Variants in KDM5A observed in about 807,000 individuals in gnomAD.
KDM5A encodes lysine demethylase 5A.
Under a neutral mutation model 193.5 loss-of-function variants are expected in KDM5A, and 42 were observed. The observed-to-expected ratio is 0.22, with a 90% CI of 0.17 to 0.28. The LOEUF is 0.28. Among genes scored for constraint, KDM5A ranks in the 10% least tolerant of loss-of-function variants. The pLI, the probability that KDM5A is intolerant of heterozygous loss-of-function variation, is 1.00. For missense variants in KDM5A, 1,692 were observed against 2,055.1 expected (o/e 0.82, Z 3.42); for synonymous variants, 796 against 718.1 (o/e 1.11, Z -1.73).
chr12:304,485 T>A (rs1943480671), intron 24 of KDM5A, among the ~76,000 whole-genome samples: 2 of 126,924 alleles, frequency 1.6e-5, no homozygotes, highest in Admixed American at 8.8e-5. Context: ...GATATCAACA[T>A]CAAAGTAAAT....
intron 24 of KDM5A, among the ~76,000 whole-genome samples, chr12:305,267 A>G (rs1368097784): frequency 1.3e-5 from 2 of 152,014 alleles, no homozygotes; most frequent in African/African-American, 4.8e-5. Flanking sequence ...CTACCATATA[A>G]TAAGATATTT....
At position 281,684 on chromosome 12, in the gene KDM5A, C is replaced by T. The variant is rs1397897583; in HGVS notation, c.*3772G>A. ...AACAGCTCAATTTTTCCACAATTTC[C>T]ACTTTTCAAATCCCATGCCAAACTG... On this transcript the variant is annotated 3_prime_UTR_variant, in exon 28 of 28. Transcript: ENST00000399788. 1 of 234,538 alleles carries T rather than the reference C, an allele frequency of 4.3e-6. No homozygotes were observed. The highest frequency in any genetic ancestry group is 8.4e-6 in the Non-Finnish European group (1 of 118,942). The allele number at this position is 234,538 out of a possible 1,614,324, so 14.5% of individuals were successfully genotyped here. A position where few individuals can be genotyped will look rare whatever the true frequency, so the allele number is the denominator to read the frequency against.
intron 14 of KDM5A, among the ~76,000 whole-genome samples, chr12:324,239 GTAAGCTATGA>G (rs1400788482): frequency 6.6e-6 from 1 of 151,892 alleles, no homozygotes; most frequent in Non-Finnish European, 1.5e-5. Flanking sequence ...CCAGGCTGTA[GTAAGCTATGA>G]TAGTACTGCT....
At chr12:339,393 C>T (rs750949208) in intron 10 of KDM5A, among the ~76,000 whole-genome samples, 1 of 152,096 alleles carries the variant, frequency 6.6e-6, no homozygotes, top group Non-Finnish European at 1.5e-5. Context: ...CCCTAAAATC[C>T]TTTTGTCATA....
intron 3 of KDM5A, among the ~76,000 whole-genome samples, chr12:380,236 T>C (rs983707781): frequency 6.7e-6 from 1 of 149,034 alleles, no homozygotes; most frequent in African/African-American, 2.5e-5. Flanking sequence ...GCCTCTAGCC[T>C]GGGTGATGGG....
intron 26 of KDM5A, 70 bp from the exon 27 acceptor site, chr12:293,239 G>A (rs987072879): frequency 2.3e-6 from 3 of 1,303,036 alleles, no homozygotes; most frequent in Non-Finnish European, 3.3e-6. Flanking sequence ...TCTCTTATAT[G>A]AGGTACCTAG....
chr12:296,904 C>T, intron 25 of KDM5A, 137 bp downstream of exon 25: 2 of 879,260 alleles, frequency 2.3e-6, no homozygotes, highest in Non-Finnish European at 3.5e-6. Flanking sequence ...AAGAAAACAG[C>T]ATTTTCAGGT....
chr12:316,513 C>G (rs985335311), intron 19 of KDM5A, among the ~76,000 whole-genome samples: 1 of 152,210 alleles, frequency 6.6e-6, no homozygotes, highest in African/African-American at 2.4e-5. Context: ...ACAGAGTCAT[C>G]AGAACCTGGT....
At chr12:387,002 T>C (rs756072325) in intron 1 of KDM5A, among the ~76,000 whole-genome samples, 7 of 151,468 alleles carry the variant, frequency 4.6e-5, no homozygotes, top group Admixed American at 4.6e-4. Context: ...ATTTTTTTTA[T>C]GTTATGTGTA....
At chr12:320,845 G>A (rs1943708225) in intron 18 of KDM5A, 150 bp downstream of exon 18, 1 of 639,546 alleles carries the variant, frequency 1.6e-6, no homozygotes, top group African/African-American at 1.8e-5. Flanking sequence ...CCAAAAAACT[G>A]CCTACTAAAG....
chr12:318,357 A>G lies in KDM5A; in HGVS notation c.2646T>C (p.Ser882=), dbSNP rs1486942799. The G allele has an allele frequency of 8.1e-6, 13 of 1,614,034 alleles. No individual in the cohort carries two copies. In the Admixed American group the frequency reaches 1.8e-4, roughly 23 times the overall value. Reference sequence around the variant, plus strand: ...ATTCAGGGAGTTCCACATAGAGACTAGAGCCCATATCTATCAACATCTGGA... The same window carrying G: ...ATTCAGGGAGTTCCACATAGAGACTGGAGCCCATATCTATCAACATCTGGA... ...SKLQMLIDMG[S]SLYVELPELP... is the part of the protein sequence containing the mutation. Residue 882 remains serine, a synonymous_variant, in exon 19 of 28, where the codon TCT becomes TCC. Coordinates refer to ENST00000399788, the MANE Select transcript of KDM5A (RefSeq NM_001042603.3).
chr12:362,842 G>C (rs796712381), intron 5 of KDM5A, 121 bp downstream of exon 5: 14 of 872,074 alleles, frequency 1.6e-5, no homozygotes, highest in African/African-American at 3.3e-5. Context: ...ATACCAACCA[G>C]CAATACTCAA....
intron 3 of KDM5A, among the ~76,000 whole-genome samples, chr12:378,275 CT>C (rs962569210): frequency 2.1e-4 from 31 of 147,768 alleles, no homozygotes; most frequent in Admixed American, 5.4e-4. Flanking sequence ...TTTAAGCCCC[CT>C]TTTTTTTTTA....
intron 17 of KDM5A, among the ~76,000 whole-genome samples, chr12:321,640 C>A (rs1241791180): frequency 6.6e-6 from 1 of 151,976 alleles, no homozygotes; most frequent in East Asian, 1.9e-4. Flanking sequence ...ATTTAAAAAC[C>A]CAATGTGAAC....
At position 296,969 on chromosome 12, in the gene KDM5A, CTTGA is replaced by C; in HGVS notation, c.4234+68_4234+71del. 3 of 1,479,786 alleles carry C rather than the reference CTTGA, an allele frequency of 2.0e-6. No individual in the cohort carries two copies. The South Asian group carries it at 3.4e-5, about 17-fold the overall frequency. 91.7% of individuals were successfully genotyped at this position (1,479,786 alleles called of 1,614,324 possible). On this transcript the variant is annotated intron_variant, in intron 25 of 27. Coordinates refer to ENST00000399788, the MANE Select transcript of KDM5A (RefSeq NM_001042603.3). ...ACTCCACTCGAAATGGAGTCACAGT[CTTGA>C]TTAACATAATGCTTTTTCTCATTGG...
chr12:363,916 TA>T (rs1378923915), intron 4 of KDM5A, among the ~76,000 whole-genome samples: 1 of 151,744 alleles, frequency 6.6e-6, no homozygotes, highest in East Asian at 1.9e-4. Context: ...ACAACCCAAT[TA>T]AAAAAAGATC....
intron 3 of KDM5A, among the ~76,000 whole-genome samples, chr12:373,856 G>A (rs1944465616): frequency 6.6e-6 from 1 of 152,226 alleles, no homozygotes; most frequent in Admixed American, 6.5e-5. Flanking sequence ...TCATTCAGGA[G>A]CAGGTTGTTC....
At chr12:340,694 C>CAAA (rs375465074) in intron 10 of KDM5A, among the ~76,000 whole-genome samples, 3,690 of 50,722 alleles carry the variant, frequency 0.073, 385 homozygotes, top group East Asian at 0.36. Context: ...GACTCCATCA[C>CAAA]AAAAAAAAAA....
chr12:383,563 AG>A (rs1237089651), intron 3 of KDM5A, among the ~76,000 whole-genome samples: 1 of 152,110 alleles, frequency 6.6e-6, no homozygotes, highest in Admixed American at 6.6e-5. Context: ...AGCTCAACAC[AG>A]AACATTGTAC....
Sources: allele counts gnomAD v4.1 joint callset (sites outside exome capture counted in the v4.1 genomes callset), GRCh38; gene constraint gnomAD v4.1.1; transcripts MANE v1.5; gene names NCBI Gene and HGNC (gene_info 2026-07-23, HGNC 2026-07-21).